Variants in CSMD1 observed in about 807,000 individuals in gnomAD.
CSMD1 encodes the protein CUB and Sushi multiple domains 1.
CSMD1 carries 213 observed loss-of-function variants against 417.5 expected under a neutral mutation model. The observed-to-expected ratio is 0.51, with a 90% CI of 0.46 to 0.57. CSMD1 has a LOEUF of 0.57. Ranked by LOEUF, CSMD1 falls within the 20% of genes least tolerant of loss-of-function variation. CSMD1 has a pLI of 0.00. For synonymous variants in CSMD1, 2,862 were observed against 1,736.8 expected (o/e 1.65, Z -16.11); for missense variants, 6,923 against 4,529.7 (o/e 1.53, Z -15.17).
intron 3 of CSMD1, among the ~76,000 whole-genome samples, chr8:4,410,303 G>T (rs1455704616): frequency 1.3e-5 from 2 of 152,136 alleles, no homozygotes; most frequent in Admixed American, 6.6e-5. Flanking sequence ...TTGAGGTAAT[G>T]AGCGCTTAGT....
chr8:4,400,405 G>A (rs561838343), intron 3 of CSMD1, among the ~76,000 whole-genome samples: 13 of 152,330 alleles, frequency 8.5e-5, no homozygotes, highest in Non-Finnish European at 1.3e-4. Context: ...TGCCGTTCCA[G>A]GAGCATATGT....
chr8:4,203,643 A>G (rs896609845), intron 3 of CSMD1, among the ~76,000 whole-genome samples: 1 of 152,138 alleles, frequency 6.6e-6, no homozygotes, highest in Non-Finnish European at 1.5e-5. Context: ...TGGACACTAC[A>G]CACATTGGAA....
intron 2 of CSMD1, among the ~76,000 whole-genome samples, chr8:4,545,054 G>C (rs1165068315): frequency 6.6e-6 from 1 of 152,196 alleles, no homozygotes; most frequent in African/African-American, 2.4e-5. Flanking sequence ...CAATATACGT[G>C]TGTGTGCACA....
intron 2 of CSMD1, among the ~76,000 whole-genome samples, chr8:4,541,033 A>G (rs1797358323): frequency 6.6e-6 from 1 of 152,222 alleles, no homozygotes; most frequent in Non-Finnish European, 1.5e-5. Context: ...ACTTAGCAAA[A>G]TGTTTCACAA....
At chr8:3,291,010 AT>A (rs1359132027) in intron 25 of CSMD1, among the ~76,000 whole-genome samples, 2 of 152,042 alleles carry the variant, frequency 1.3e-5, no homozygotes, top group Non-Finnish European at 2.9e-5. Context: ...TCAACACCTA[AT>A]TTTTTGAGAG....
chr8:4,917,009 A>C (rs1160336018), intron 1 of CSMD1, among the ~76,000 whole-genome samples: 2 of 152,184 alleles, frequency 1.3e-5, no homozygotes, highest in South Asian at 2.1e-4. Flanking sequence ...CCTTGCTATA[A>C]ATAACCACCT....
At chr8:4,957,603 A>G (rs1563866780) in intron 1 of CSMD1, among the ~76,000 whole-genome samples, 1 of 152,216 alleles carries the variant, frequency 6.6e-6, no homozygotes, top group Admixed American at 6.5e-5. Flanking sequence ...AGATCCTCAT[A>G]TGAAAGAAAA....
chr8:4,081,704 A>C (rs569830474), intron 3 of CSMD1, among the ~76,000 whole-genome samples: 3 of 152,346 alleles, frequency 2.0e-5, no homozygotes, highest in Admixed American at 2.0e-4. Context: ...TTAAATTCTA[A>C]AAAGTATTTT....
At chr8:3,980,232 A>G (rs1004181195) in intron 5 of CSMD1, among the ~76,000 whole-genome samples, 6 of 152,240 alleles carry the variant, frequency 3.9e-5, no homozygotes, top group South Asian at 2.1e-4. Flanking sequence ...AACCATTGGC[A>G]TAGATGGGAA....
intron 3 of CSMD1, among the ~76,000 whole-genome samples, chr8:4,089,033 T>C (rs1800578712): frequency 6.6e-6 from 1 of 152,196 alleles, no homozygotes; most frequent in Non-Finnish European, 1.5e-5. Flanking sequence ...CTTATTCTTG[T>C]AGAGAATGAA....
chr8:3,553,532 T>C (rs1363683765), intron 10 of CSMD1, among the ~76,000 whole-genome samples: 1 of 152,222 alleles, frequency 6.6e-6, no homozygotes, highest in Non-Finnish European at 1.5e-5. Context: ...GCAGGATTGC[T>C]GCCGTGGCAC....
At position 3,096,033 on chromosome 8, in the gene CSMD1, T is replaced by C. The variant is rs144003661; in HGVS notation, c.7138+816A>G. Among the ~76,000 whole-genome samples the C allele has an allele frequency of 6.7e-3, 1,017 of 152,244 alleles. 8 individuals are homozygous for C. Among genetic ancestry groups the C allele is most frequent in the Middle Eastern group, 0.024 (7 of 294 alleles). On this transcript the variant is annotated intron_variant, in intron 47 of 69. Coordinates refer to ENST00000635120, the MANE Select transcript of CSMD1 (RefSeq NM_033225.6). ...TGATTTTTACATATTTCCAGTAAAA[T>C]AATTATTTAGATGACAAAAATACCT...
At chr8:3,011,699 A>C (rs1157904045) in intron 52 of CSMD1, among the ~76,000 whole-genome samples, 1 of 152,214 alleles carries the variant, frequency 6.6e-6, no homozygotes, top group Non-Finnish European at 1.5e-5. Context: ...TATCTTGAAT[A>C]CTAGAGATTG....
At chr8:4,450,804 C>T (rs954225917) in intron 2 of CSMD1, among the ~76,000 whole-genome samples, 5 of 152,044 alleles carry the variant, frequency 3.3e-5, no homozygotes, top group East Asian at 1.9e-4. Context: ...CTTTCATTTA[C>T]GAGAGGCATA....
At chr8:3,399,274 G>T in intron 16 of CSMD1, 117 bp downstream of exon 16, 1 of 847,654 alleles carries the variant, frequency 1.2e-6, no homozygotes, top group Non-Finnish European at 1.8e-6. Flanking sequence ...GGTAAAGTGT[G>T]CTCCTATGCG....
At chr8:4,376,898 T>G (rs1473021753) in intron 3 of CSMD1, among the ~76,000 whole-genome samples, 2 of 152,206 alleles carry the variant, frequency 1.3e-5, no homozygotes, top group Non-Finnish European at 1.5e-5. Flanking sequence ...ATTTTGTATT[T>G]TGGACACACT....
intron 5 of CSMD1, among the ~76,000 whole-genome samples, chr8:3,860,005 G>T (rs1286228979): frequency 6.6e-6 from 1 of 152,112 alleles, no homozygotes; most frequent in Non-Finnish European, 1.5e-5. Flanking sequence ...CCCAAACTTG[G>T]AGTTTGTTTG....
intron 2 of CSMD1, among the ~76,000 whole-genome samples, chr8:4,503,118 A>G (rs1802342966): frequency 6.6e-6 from 1 of 152,174 alleles, no homozygotes; most frequent in African/African-American, 2.4e-5. Flanking sequence ...TTAGAGAACT[A>G]TGTGTAATGG....
intron 5 of CSMD1, among the ~76,000 whole-genome samples, chr8:3,843,514 A>C (rs887351378): frequency 6.6e-6 from 1 of 152,230 alleles, no homozygotes; most frequent in African/African-American, 2.4e-5. Context: ...CAGATATGAG[A>C]AAAATGTGAA....
Sources: gnomAD v4.1 joint callset for allele counts (sites outside exome capture counted in the v4.1 genomes callset) on GRCh38, gnomAD v4.1.1 for gene constraint, MANE v1.5 for transcripts, NCBI Gene and HGNC (gene_info 2026-07-23, HGNC 2026-07-21) for gene names.